The following KRT23 variants were observed in gnomAD, a reference collection of about 807,000 sequenced individuals.
KRT23 encodes the protein keratin 23.
A neutral mutation model predicts 47.6 loss-of-function variants in KRT23; 38 were observed. The ratio of observed to expected loss-of-function variants is 0.80; its 90% CI spans 0.62 to 1.05. The LOEUF (loss-of-function observed/expected upper bound fraction) is 1.05, where lower values mean the gene tolerates loss of function less well. KRT23 is among the 50% of genes least tolerant of loss of function. The probability of loss-of-function intolerance (pLI) is 0.00; values close to 1 mark genes in which losing one functional copy is unlikely to be tolerated. For missense variants in KRT23, 503 were observed against 529.5 expected, an observed-to-expected ratio of 0.95 and a Z score of 0.49; for synonymous variants, 191 against 199.0, an observed-to-expected ratio of 0.96 and a Z score of 0.34.
At chr17:40,930,131 G>T in intron 3 of KRT23, 35 bp from the exon 4 acceptor site, 1 of 1,583,712 alleles carries the variant, frequency 6.3e-7, no homozygotes, top group Non-Finnish European at 8.6e-7. Context: ...TGCACTCATT[G>T]TTGGAAGGCC....
Position 40,936,559 on chromosome 17 carries a change from GA to G in KRT23, c.44del (p.Phe15SerfsTer54). On this transcript the variant is annotated frameshift_variant, in exon 2 of 9. Coordinates refer to ENST00000209718, the MANE Select transcript of KRT23 (RefSeq NM_015515.5). LOFTEE classifies it high-confidence loss of function. ...HSFSQTPSAS[F>X]HGAGGGWGRP... The stretch of plus-strand genomic sequence containing the variant: ...GGCCCCAGCCACCTCCGGCGCCATG[GA>G]AGGAGGCCGAGGGGGTCTGGCTGAA... 6.6e-7 allele frequency: 1 copy of G among 1,520,578 alleles called. No individual in the cohort carries two copies. Among genetic ancestry groups the G allele is most frequent in the Non-Finnish European group, 8.8e-7 (1 of 1,137,360 alleles). 94.2% of individuals were successfully genotyped at this position (1,520,578 alleles called of 1,614,324 possible).
chr17:40,930,143 T>C (rs377197547), intron 3 of KRT23, 47 bp from the exon 4 acceptor site: 24 of 1,558,836 alleles, frequency 1.5e-5, no homozygotes, highest in East Asian at 9.0e-5. Flanking sequence ...TGGAAGGCCA[T>C]GGTTTTTGAA....
intron 2 of KRT23, among the ~76,000 whole-genome samples, chr17:40,933,149 C>T (rs1211627732): frequency 2.6e-5 from 4 of 152,194 alleles, no homozygotes; most frequent in East Asian, 1.9e-4. Context: ...TCAGTGACTA[C>T]ACTGTGAACA....
In KRT23 at chr17:40,936,800, T is replaced by C. The variant is rs187747979; in HGVS notation, c.-197A>G. Reference sequence around the variant, plus strand: ...GTCAATCCCAAAGTGCCCCTGGGCCTTCGCACACTGTTGTTGTTTAGAGCC... The same window carrying C: ...GTCAATCCCAAAGTGCCCCTGGGCCCTCGCACACTGTTGTTGTTTAGAGCC... On this transcript the variant is annotated 5_prime_UTR_variant, in exon 2 of 9. Coordinates refer to ENST00000209718, the MANE Select transcript of KRT23 (RefSeq NM_015515.5). The C allele has an allele frequency of 1.1e-5, 5 of 451,364 alleles. No homozygotes were observed. The highest frequency in any genetic ancestry group is 8.1e-5 in the African/African-American group (4 of 49,414). The allele number at this position is 451,364 out of a possible 1,614,324, so 28.0% of individuals were successfully genotyped here. A position where few individuals can be genotyped will look rare whatever the true frequency, so the allele number is the denominator to read the frequency against.
rs564675213 is a variant in KRT23 at position 40,930,019 on chromosome 17, G to T, written c.557C>A (p.Thr186Asn). 1 of 1,614,012 alleles carries T rather than the reference G, an allele frequency of 6.2e-7. No homozygotes were observed. The highest frequency in any genetic ancestry group is 1.1e-5 in the South Asian group (1 of 91,080). Residue 186 changes from threonine (T) to asparagine (N), a missense_variant, in exon 4 of 9, where the codon ACC becomes AAC. By Grantham distance (65) the Thr-to-Asn change is moderately conservative (BLOSUM62 0). Coordinates refer to ENST00000209718, the MANE Select transcript of KRT23 (RefSeq NM_015515.5). ...CTGTTCTAGGTCTGTTGTGACAATG[G>T]TCAGGTTGTCTAAGGTCCTTCGGAG... ...EGLRRTLDNL[T>N]IVTTDLEQEV...
chr17:40,925,608 G>A, intron 6 of KRT23, 34 bp from the exon 7 acceptor site: 1 of 1,483,730 alleles, frequency 6.7e-7, no homozygotes, highest in South Asian at 1.2e-5. Context: ...TTAATTAACT[G>A]ATGGCTTGAT....
At chr17:40,923,356 AC>A (rs1396967689) in intron 8 of KRT23, among the ~76,000 whole-genome samples, 1 of 152,180 alleles carries the variant, frequency 6.6e-6, no homozygotes, top group Non-Finnish European at 1.5e-5. Flanking sequence ...CTAGTCTCTG[AC>A]CACAAGCACT....
In KRT23 at chr17:40,928,339, C is replaced by CCTCCTG; in HGVS notation, c.814_819dup (p.Gln272_Glu273dup). On this transcript the variant is annotated inframe_insertion, in exon 6 of 9. Transcript: ENST00000209718. ...CTCTGCACAGTGGCTGGACTGGCTG[C>CCTCCTG]CTCCTGGGACATGGCTGCAGACTGT... is the stretch of plus-strand genomic sequence containing the variant. The CCTCCTG allele has an allele frequency of 2.5e-6, 4 of 1,614,182 alleles. No homozygotes were observed. Among genetic ancestry groups the CCTCCTG allele is most frequent in the Non-Finnish European group, 3.4e-6 (4 of 1,180,042 alleles).
chr17:40,936,740 A>C lies in KRT23; in HGVS notation c.-137T>G. On this transcript the variant is annotated 5_prime_UTR_variant, in exon 2 of 9. Coordinates refer to ENST00000209718, the MANE Select transcript of KRT23 (RefSeq NM_015515.5). Reference sequence around the variant, plus strand: ...CCCTTCTCTGACAATTGTACCAACAAGATTGTATCATTGTGCAACTTGTGT... The same window carrying C: ...CCCTTCTCTGACAATTGTACCAACACGATTGTATCATTGTGCAACTTGTGT... The C allele has an allele frequency of 1.3e-6, 1 of 770,232 alleles. No individual in the cohort carries two copies. The highest frequency in any genetic ancestry group is 1.9e-6 in the Non-Finnish European group (1 of 532,580). 47.7% of individuals were successfully genotyped at this position (770,232 alleles called of 1,614,324 possible).
Position 40,924,508 on chromosome 17 carries a change from A to G in KRT23, c.1143-5T>C. 1 of 1,612,384 alleles carries G rather than the reference A, an allele frequency of 6.2e-7. No individual in the cohort carries two copies. Among genetic ancestry groups the G allele is most frequent in the Non-Finnish European group, 8.5e-7 (1 of 1,178,536 alleles). On this transcript the variant is annotated splice_region_variant and splice_polypyrimidine_tract_variant and intron_variant, in intron 7 of 8. Coordinates refer to ENST00000209718, the MANE Select transcript of KRT23 (RefSeq NM_015515.5). ...GACTTTGATTCTTCCCGTGTCCTAT[A>G]AAAGTGATAAAGGTTAAAGCTCACT...
At chr17:40,931,542 G>A (rs929154708) in intron 2 of KRT23, 87 bp from the exon 3 acceptor site, 21 of 956,308 alleles carry the variant, frequency 2.2e-5, no homozygotes, top group Non-Finnish European at 3.0e-5. Context: ...CTAGCTTCCT[G>A]AATATTTGAC....
intron 2 of KRT23, among the ~76,000 whole-genome samples, chr17:40,934,326 C>T (rs2143519161): frequency 6.6e-6 from 1 of 152,268 alleles, no homozygotes; most frequent in East Asian, 1.9e-4. Flanking sequence ...AGGTAAAAAT[C>T]CAGAAAAGAG....
At chr17:40,929,706 G>C (rs1289327097) in intron 4 of KRT23, 6 of 473,744 alleles carry the variant, frequency 1.3e-5, no homozygotes, top group Admixed American at 1.1e-4. Context: ...TAACAAAACT[G>C]TTGACCAATT....
rs1908998466 is a variant in KRT23, at chr17:40,922,727, A to G, written c.*262T>C. Reference sequence around the variant, plus strand: ...TAGTGCGGAGTTTTATTGGCTACAAAATAGATGCAAAATGATGAGAATCTG... The same window carrying G: ...TAGTGCGGAGTTTTATTGGCTACAAGATAGATGCAAAATGATGAGAATCTG... On this transcript the variant is annotated 3_prime_UTR_variant, in exon 9 of 9. Coordinates refer to ENST00000209718, the MANE Select transcript of KRT23 (RefSeq NM_015515.5). 1 of 336,920 alleles carries G rather than the reference A, an allele frequency of 3.0e-6. No individual in the cohort carries two copies. Among genetic ancestry groups the G allele is most frequent in the Non-Finnish European group, 5.4e-6 (1 of 185,268 alleles). The allele number at this position is 336,920 out of a possible 1,614,324, so 20.9% of individuals were successfully genotyped here.
intron 2 of KRT23, among the ~76,000 whole-genome samples, chr17:40,933,039 C>T (rs1387902401): frequency 6.6e-6 from 1 of 152,122 alleles, no homozygotes; most frequent in Non-Finnish European, 1.5e-5. Context: ...AGCATATTAT[C>T]GGCATATTAT....
In KRT23 at chr17:40,936,894, G is replaced by C. The variant is rs556895626; in HGVS notation, c.-291C>G. On this transcript the variant is annotated 5_prime_UTR_variant, in exon 2 of 9. Transcript: ENST00000209718. Reference sequence around the variant, plus strand: ...GGAGGTGTGGCCCACGACATCAGGCGGGTATTGGGCTCAGGTATCTTTCTA... The same window carrying C: ...GGAGGTGTGGCCCACGACATCAGGCCGGTATTGGGCTCAGGTATCTTTCTA... 1.2e-4 allele frequency: 45 copies of C among 368,042 alleles called. No homozygotes were observed. The highest frequency in any genetic ancestry group is 2.0e-4 in the Non-Finnish European group (41 of 207,062). 22.8% of individuals were successfully genotyped at this position (368,042 alleles called of 1,614,324 possible). A position where few individuals can be genotyped will look rare whatever the true frequency, so the allele number is the denominator to read the frequency against.
chr17:40,930,438 T>C (rs999563309), intron 3 of KRT23, among the ~76,000 whole-genome samples: 9 of 152,202 alleles, frequency 5.9e-5, no homozygotes, highest in Non-Finnish European at 1.2e-4. Context: ...TAAGACTAAA[T>C]ACTTCAGGAT....
chr17:40,922,759 G>T lies in KRT23; in HGVS notation c.*230C>A. ...GCAAAATGATGAGAATCTGAAGGCT[G>T]CAGTAGGAAAGTAGAGCTTTACCCT... is the stretch of plus-strand genomic sequence containing the variant. On this transcript the variant is annotated 3_prime_UTR_variant, in exon 9 of 9. Coordinates refer to ENST00000209718, the MANE Select transcript of KRT23 (RefSeq NM_015515.5). 1 of 404,780 alleles carries T rather than the reference G, an allele frequency of 2.5e-6. No individual in the cohort carries two copies. The highest frequency in any genetic ancestry group is 4.4e-6 in the Non-Finnish European group (1 of 227,334). 25.1% of individuals were successfully genotyped at this position (404,780 alleles called of 1,614,324 possible).
intron 7 of KRT23, 54 bp from the exon 8 acceptor site, chr17:40,924,557 A>G (rs1394595036): frequency 7.1e-7 from 1 of 1,414,836 alleles, no homozygotes. Context: ...CAATCATAAC[A>G]ACTTCTCAGG....
Sources: gnomAD v4.1 joint callset for allele counts (sites outside exome capture counted in the v4.1 genomes callset) on GRCh38, gnomAD v4.1.1 for gene constraint, MANE v1.5 for transcripts, NCBI Gene and HGNC (gene_info 2026-07-23, HGNC 2026-07-21) for gene names.